The following DLK1 variants were observed in gnomAD, a reference collection of about 807,000 sequenced individuals.
DLK1 encodes the protein delta like non-canonical Notch ligand 1.
Under a neutral mutation model 35.2 loss-of-function variants are expected in DLK1, and 9 were observed. That is an observed-to-expected ratio of 0.26 (90% CI 0.15 to 0.45). DLK1 has a LOEUF of 0.45. DLK1 is among the 20% of genes least tolerant of loss of function. The pLI is 1.00. For missense variants in DLK1, 522 were observed against 528.5 expected, an observed-to-expected ratio of 0.99 and a Z score of 0.12; for synonymous variants, 231 against 228.4, an observed-to-expected ratio of 1.01 and a Z score of -0.10.
chr14:100,729,326 T>C (rs956228800), intron 3 of DLK1: 4 of 661,534 alleles, frequency 6.0e-6, no homozygotes, highest in Non-Finnish European at 1.1e-5. Flanking sequence ...GCCAGGGAGC[T>C]GCCTGTTGAA....
chr14:100,735,057 C>A lies in DLK1; in HGVS notation c.*161C>A. 1 of 833,500 alleles carries A rather than the reference C, an allele frequency of 1.2e-6. No individual in the cohort carries two copies. The highest frequency in any genetic ancestry group is 1.7e-6 in the Non-Finnish European group (1 of 577,782). The allele number at this position is 833,500 out of a possible 1,614,324, so 51.6% of individuals were successfully genotyped here. On this transcript the variant is annotated 3_prime_UTR_variant, in exon 5 of 5. Coordinates refer to ENST00000341267, the MANE Select transcript of DLK1 (RefSeq NM_003836.7). ...GTGCTGCTGTGTGACAAACGCAATG[C>A]AAAAACAATCCTCTTTCTCTCTCTT...
rs761028692 is a variant in DLK1, at chr14:100,727,076, C to T, written c.8C>T (p.Ala3Val). 3 of 1,589,950 alleles carry T rather than the reference C, an allele frequency of 1.9e-6. No homozygotes were observed. The highest frequency in any genetic ancestry group is 2.6e-6 in the Non-Finnish European group (3 of 1,170,224). MT[A>V]TEALLRVLLL... ...GACCCCGGCCGCCCAGAGATGACCG[C>T]GACCGAAGCCCTCCTGCGCGTCCTC... The change falls in exon 1 of 5, where the codon GCG (alanine) becomes GTG (valine). Residue 3 changes from alanine (A) to valine (V), a missense_variant. By Grantham distance (64) the Ala-to-Val change is moderately conservative (BLOSUM62 0). Transcript: ENST00000341267.
chr14:100,738,176 G>C lies in DLK1; in HGVS notation c.*3280G>C, dbSNP rs1385726398. On this transcript the variant is annotated 3_prime_UTR_variant, in exon 5 of 5. Coordinates refer to ENST00000341267, the MANE Select transcript of DLK1 (RefSeq NM_003836.7). ...AGCTTTCCCGTTTACTACCAGTCCA[G>C]ACATGCAAAAAAACCTTGTTTATTG... 1 of 152,174 alleles carries C rather than the reference G, an allele frequency of 6.6e-6. No homozygotes were observed. Among genetic ancestry groups the C allele is most frequent in the Non-Finnish European group, 1.5e-5 (1 of 68,030 alleles). The allele number at this position is 152,174 out of a possible 1,614,324, so 9.4% of individuals were successfully genotyped here.
chr14:100,727,130 C>T lies in DLK1; in HGVS notation c.62C>T (p.Thr21Ile), dbSNP rs1419505243. 9.4e-6 allele frequency: 15 copies of T among 1,587,610 alleles called. No individual in the cohort carries two copies. Among genetic ancestry groups the T allele is most frequent in the South Asian group, 1.1e-5 (1 of 88,312 alleles). Reference sequence around the variant, plus strand: ...CTCCTGCTGGCTTTCGGCCACAGCACCTATGGTGAGTTCCCCGGCGGCCCG... The same window carrying T: ...CTCCTGCTGGCTTTCGGCCACAGCATCTATGGTGAGTTCCCCGGCGGCCCG... Reference protein sequence around the residue: ...LLLLLAFGHSTYGAECFPACN... With the variant: ...LLLLLAFGHSIYGAECFPACN... The change falls in exon 1 of 5, where the codon ACC (threonine) becomes ATC (isoleucine). Residue 21 changes from threonine (T) to isoleucine (I), a missense_variant. Thr to Ile is a moderately conservative substitution (Grantham distance 89, BLOSUM62 -1). Transcript: ENST00000341267.
At position 100,729,089 on chromosome 14, in the gene DLK1, C is replaced by T. The variant is rs779307967; in HGVS notation, c.262+23C>T. ...GAGGTTGGCACTCGCCTTTGTTCAC[C>T]TCAGCTCTGCGTCCTTACCTGCCTG... On this transcript the variant is annotated intron_variant, in intron 3 of 4. Coordinates refer to ENST00000341267, the MANE Select transcript of DLK1 (RefSeq NM_003836.7). The T allele has an allele frequency of 2.5e-6, 4 of 1,612,620 alleles. No homozygotes were observed. The Admixed American group carries it at 5.0e-5, about 20-fold the overall frequency.
chr14:100,727,005 G>A lies in DLK1; in HGVS notation c.-64G>A. On this transcript the variant is annotated 5_prime_UTR_variant, in exon 1 of 5. Coordinates refer to ENST00000341267, the MANE Select transcript of DLK1 (RefSeq NM_003836.7). ...TCGCGTCCGCAACCAGAAGCCCAGT[G>A]CGGCGCCAGGAGCCGGACCCGCGCC... 1.4e-6 allele frequency: 2 copies of A among 1,464,642 alleles called. No individual in the cohort carries two copies. The highest frequency in any genetic ancestry group is 4.7e-5 in the Admixed American group (2 of 42,462). The allele number at this position is 1,464,642 out of a possible 1,614,324, so 90.7% of individuals were successfully genotyped here.
rs550567077 is a variant in DLK1 at position 100,728,441 on chromosome 14, A to T, written c.113A>T (p.Glu38Val). 1.8e-5 allele frequency: 29 copies of T among 1,613,960 alleles called. No individual in the cohort carries two copies. The South Asian group carries it at 3.1e-4, about 17-fold the overall frequency. ...TGCAACCCCCAAAATGGATTCTGCG[A>T]GGATGACAATGTTTGCAGGTAATAG... ...PACNPQNGFC[E>V]DDNVCRCQPG... The change falls in exon 2 of 5, where the codon GAG becomes GTG. Residue 38 changes from glutamate (E) to valine (V), a missense_variant. Transcript: ENST00000341267.
In DLK1 at chr14:100,734,413, C is replaced by T; in HGVS notation, c.669C>T (p.Cys223=). ...ASSPCQNGGT[C]LQHTQVSYEC... ...GCCCGTGCCAGAACGGGGGCACCTG[C>T]CTGCAGCACACCCAGGTGAGCTACG... is the stretch of plus-strand genomic sequence containing the variant. Residue 223 remains cysteine, a synonymous_variant, in exon 5 of 5, where the codon TGC becomes TGT. Transcript: ENST00000341267. The surrounding 1 kb of genome is among the most constrained non-coding windows in gnomAD (Gnocchi z 7.4). The T allele has an allele frequency of 6.2e-7, 1 of 1,611,810 alleles. No individual in the cohort carries two copies. The highest frequency in any genetic ancestry group is 1.3e-5 in the African/African-American group (1 of 75,030).
intron 4 of DLK1, among the ~76,000 whole-genome samples, chr14:100,733,562 CCA>C (rs1040971382): frequency 4.6e-5 from 7 of 152,018 alleles, no homozygotes; most frequent in African/African-American, 1.2e-4. Flanking sequence ...GCCTGTGGAT[CCA>C]CACCGCTAAT....
In DLK1 at chr14:100,727,060, C is replaced by A; in HGVS notation, c.-9C>A. The A allele has an allele frequency of 6.4e-7, 1 of 1,563,766 alleles. No homozygotes were observed. Among genetic ancestry groups the A allele is most frequent in the East Asian group, 2.5e-5 (1 of 40,082 alleles). On this transcript the variant is annotated 5_prime_UTR_variant, in exon 1 of 5. Transcript: ENST00000341267. ...CCGCTCCCGGGACCGCGACCCCGGC[C>A]GCCCAGAGATGACCGCGACCGAAGC...
At chr14:100,731,404 T>A (rs2036505193) in intron 3 of DLK1, among the ~76,000 whole-genome samples, 1 of 152,194 alleles carries the variant, frequency 6.6e-6, no homozygotes, top group Non-Finnish European at 1.5e-5. Context: ...TTCCCTGGCT[T>A]TAAAAGATGA....
rs186583984 is a variant in DLK1, at chr14:100,728,541, G to A, written c.131+82G>A. On this transcript the variant is annotated intron_variant, in intron 2 of 4. Transcript: ENST00000341267. ...TCGTGAAGTCAGGCAGAAAAAAATA[G>A]GGGGCTTGGCCACTACGCTGCAGCA... 311 of 1,472,022 alleles carry A rather than the reference G, an allele frequency of 2.1e-4. 2 individuals are homozygous for A. The Middle Eastern group carries it at 4.0e-3, about 19-fold the overall frequency. 91.2% of individuals were successfully genotyped at this position (1,472,022 alleles called of 1,614,324 possible).
chr14:100,729,068 T>C lies in DLK1; in HGVS notation c.262+2T>C, dbSNP rs767635589. 6.2e-7 allele frequency: 1 copy of C among 1,613,540 alleles called. No individual in the cohort carries two copies. The highest frequency in any genetic ancestry group is 8.5e-7 in the Non-Finnish European group (1 of 1,180,024). On this transcript the variant is annotated splice_donor_variant, in intron 3 of 4. Transcript: ENST00000341267. LOFTEE classifies it high-confidence loss of function. The stretch of plus-strand genomic sequence containing the variant: ...GGGACGGGGAGCTCTGTGATAGAGG[T>C]TGGCACTCGCCTTTGTTCACCTCAG...
chr14:100,732,989 G>C (rs2036526778), intron 4 of DLK1, among the ~76,000 whole-genome samples: 1 of 152,154 alleles, frequency 6.6e-6, no homozygotes. Context: ...AAGCTAACAT[G>C]CAAATAAGCT....
At position 100,734,911 on chromosome 14, in the gene DLK1, G is replaced by A. The variant is rs780524490; in HGVS notation, c.*15G>A. On this transcript the variant is annotated 3_prime_UTR_variant, in exon 5 of 5. Transcript: ENST00000341267. This position sits in a 1 kb window ranked among gnomAD's most constrained non-coding sequence, Gnocchi z 7.4. ...AGGAGATCTAAGCAGCGTTCCCACAGCCCCCTCTAGATTCTTGGAGTTCCG... is the reference window on the plus strand; with the variant it reads ...AGGAGATCTAAGCAGCGTTCCCACAACCCCCTCTAGATTCTTGGAGTTCCG... 7.9e-5 allele frequency: 122 copies of A among 1,552,792 alleles called. No homozygotes were observed. Among genetic ancestry groups the A allele is most frequent in the Non-Finnish European group, 1.0e-4 (120 of 1,154,452 alleles).
rs2036441137 is a variant in DLK1, at chr14:100,726,987, C to G, written c.-82C>G. Reference sequence around the variant, plus strand: ...GCGCGCCCGCGCCCCCTTTCGCGTCCGCAACCAGAAGCCCAGTGCGGCGCC... The same window carrying G: ...GCGCGCCCGCGCCCCCTTTCGCGTCGGCAACCAGAAGCCCAGTGCGGCGCC... On this transcript the variant is annotated 5_prime_UTR_variant, in exon 1 of 5. Transcript: ENST00000341267. The surrounding 1 kb of genome is among the most constrained non-coding windows in gnomAD (Gnocchi z 4.2). 6 of 1,360,388 alleles carry G rather than the reference C, an allele frequency of 4.4e-6. No individual in the cohort carries two copies. The South Asian group carries it at 9.7e-5, about 22-fold the overall frequency. The allele number at this position is 1,360,388 out of a possible 1,614,324, so 84.3% of individuals were successfully genotyped here.
At chr14:100,731,929 T>C in intron 3 of DLK1, 113 bp from the exon 4 acceptor site, 1 of 1,374,322 alleles carries the variant, frequency 7.3e-7, no homozygotes, top group South Asian at 1.6e-5. Context: ...CTAAACCCTC[T>C]TACTCCAGAC....
At chr14:100,728,606 CT>C (rs1241522102) in intron 2 of DLK1, 147 bp downstream of exon 2, 5 of 53,746 alleles carry the variant, frequency 9.3e-5, no homozygotes, top group African/African-American at 8.7e-4. Flanking sequence ...GTGGGGCGAG[CT>C]GGGGAGATGG....
chr14:100,734,300 A>G lies in DLK1; in HGVS notation c.556A>G (p.Thr186Ala), dbSNP rs764525849. ...CCCATGCGAGAACGACGGCGTCTGC[A>G]CTGACATTGGGGGCGACTTCCGCTG... ...PNPCENDGVC[T>A]DIGGDFRCRC... is the part of the protein sequence containing the mutation. The change falls in exon 5 of 5, where the codon ACT (threonine) becomes GCT (alanine). Residue 186 changes from threonine (T) to alanine (A), a missense_variant. By Grantham distance (58) the Thr-to-Ala change is moderately conservative. Coordinates refer to ENST00000341267, the MANE Select transcript of DLK1 (RefSeq NM_003836.7). This position sits in a 1 kb window ranked among gnomAD's most constrained non-coding sequence, Gnocchi z 7.4. 2 of 1,613,420 alleles carry G rather than the reference A, an allele frequency of 1.2e-6. No individual in the cohort carries two copies. The highest frequency in any genetic ancestry group is 1.7e-6 in the Non-Finnish European group (2 of 1,179,996).
Sources: allele counts gnomAD v4.1 joint callset (sites outside exome capture counted in the v4.1 genomes callset), GRCh38; gene constraint gnomAD v4.1.1; non-coding constraint Gnocchi (gnomAD v3.1); transcripts MANE v1.5; gene names NCBI Gene and HGNC (gene_info 2026-07-23, HGNC 2026-07-21).